The following PTGER3 variants were observed in gnomAD, a reference collection of about 807,000 sequenced individuals.
The protein encoded by PTGER3 is prostaglandin E receptor 3, also known as prostaglandin E2 receptor EP3 subtype.
Under a neutral mutation model 34.7 loss-of-function variants are expected in PTGER3, and 22 were observed. The observed-to-expected ratio is 0.63, with a 90% CI of 0.45 to 0.91. The LOEUF is 0.91. PTGER3 is among the 40% of genes least tolerant of loss of function. The probability of loss-of-function intolerance (pLI) is 0.00; values close to 1 mark genes in which losing one functional copy is unlikely to be tolerated. For synonymous variants in PTGER3, 241 were observed against 230.1 expected, an observed-to-expected ratio of 1.05 and a Z score of -0.43; for missense variants, 468 against 519.4, an observed-to-expected ratio of 0.90 and a Z score of 0.96.
At chr1:70,861,314 C>A (rs1035848093) in intron 4 of PTGER3, among the ~76,000 whole-genome samples, 11 of 152,110 alleles carry the variant, frequency 7.2e-5, no homozygotes, top group African/African-American at 2.7e-4. Flanking sequence ...TTACTTAAGT[C>A]AAAAATCCTT....
chr1:71,026,534 T>C (rs1023767061), intron 1 of PTGER3, among the ~76,000 whole-genome samples: 9 of 152,242 alleles, frequency 5.9e-5, no homozygotes, highest in African/African-American at 1.9e-4. Flanking sequence ...ACACAACTTG[T>C]ATGCAATGCA....
chr1:70,942,211 C>T (rs1010279559), intron 4 of PTGER3, among the ~76,000 whole-genome samples: 6 of 152,112 alleles, frequency 3.9e-5, no homozygotes, highest in Non-Finnish European at 7.4e-5. Flanking sequence ...GGCATGATCA[C>T]ACAGATGAGA....
At chr1:70,879,299 T>C (rs1464114230) in intron 4 of PTGER3, among the ~76,000 whole-genome samples, 1 of 152,106 alleles carries the variant, frequency 6.6e-6, no homozygotes, top group African/African-American at 2.4e-5. Context: ...CAGGCTGGAG[T>C]GCAGTGGCAT....
intron 4 of PTGER3, among the ~76,000 whole-genome samples, chr1:70,871,029 T>C (rs1241086712): frequency 6.6e-6 from 1 of 152,216 alleles, no homozygotes; most frequent in East Asian, 1.9e-4. Flanking sequence ...GCCTCACTTC[T>C]AAATATCAAT....
At chr1:70,952,745 C>A in exon 4 of PTGER3, 1 of 1,280,194 alleles carries the variant, frequency 7.8e-7, no homozygotes. Context: ...TAAAAATATG[C>A]CCATGTTTGC....
Position 70,900,554 on chromosome 1 carries a change from C to T in PTGER3, c.*24-47695G>A, listed in dbSNP as rs867553296. 8.5e-5 allele frequency among the ~76,000 whole-genome samples: 13 copies of T among 152,156 alleles called. No individual in the cohort carries two copies. The East Asian group carries it at 1.5e-3, about 18-fold the overall frequency. On this transcript the variant is annotated intron_variant, in intron 4 of 4. Transcript: ENST00000370931. ...TAATATACAAATGATGAATTTAGAG[C>T]GGAAAGAGGTTGTAAACACAGTGTG...
At chr1:70,978,780 C>T (rs1165657293) in intron 2 of PTGER3, among the ~76,000 whole-genome samples, 1 of 152,034 alleles carries the variant, frequency 6.6e-6, no homozygotes, top group East Asian at 1.9e-4. Context: ...CAGCTGCCAC[C>T]AAGAGGGTAG....
chr1:71,031,008 T>C (rs1162753072), intron 1 of PTGER3, among the ~76,000 whole-genome samples: 1 of 152,206 alleles, frequency 6.6e-6, no homozygotes, highest in African/African-American at 2.4e-5. Context: ...GAGAAAGTTA[T>C]AAAATCTTTT....
chr1:70,907,992 G>A (rs1646984420), intron 4 of PTGER3, among the ~76,000 whole-genome samples: 3 of 152,102 alleles, frequency 2.0e-5, no homozygotes, highest in Admixed American at 2.0e-4. Flanking sequence ...AGTGGAGCAG[G>A]TTCACTGTTG....
intron 4 of PTGER3, among the ~76,000 whole-genome samples, chr1:70,897,278 T>G (rs1345928873): frequency 6.6e-6 from 1 of 152,172 alleles, no homozygotes; most frequent in Non-Finnish European, 1.5e-5. Context: ...GTTCTTTAGC[T>G]TGAAGAAAAT....
chr1:70,994,990 T>C (rs1655805617), intron 2 of PTGER3, among the ~76,000 whole-genome samples: 1 of 151,998 alleles, frequency 6.6e-6, no homozygotes, highest in Non-Finnish European at 1.5e-5. Flanking sequence ...AAGGTAACCA[T>C]CCAGTGGGGG....
chr1:70,866,142 TG>T (rs1646037597), intron 4 of PTGER3, among the ~76,000 whole-genome samples: 1 of 152,160 alleles, frequency 6.6e-6, no homozygotes, highest in Admixed American at 6.5e-5. Flanking sequence ...GTAAGCACCT[TG>T]GGGGTCCCAT....
chr1:71,046,572 G>C, intron 1 of PTGER3, 109 bp downstream of exon 1: 1 of 1,328,482 alleles, frequency 7.5e-7, no homozygotes. Context: ...ACACTTCAGC[G>C]CTCTGCGGTT....
At chr1:70,877,994 G>GT (rs1349003971) in intron 4 of PTGER3, among the ~76,000 whole-genome samples, 2 of 152,020 alleles carry the variant, frequency 1.3e-5, no homozygotes, top group Admixed American at 1.3e-4. Context: ...CTCCCCCTCA[G>GT]TTTTTTGGAA....
At chr1:71,018,330 G>T (rs952599336) in intron 1 of PTGER3, among the ~76,000 whole-genome samples, 2 of 152,078 alleles carry the variant, frequency 1.3e-5, no homozygotes, top group African/African-American at 2.4e-5. Context: ...TCTAACTCCT[G>T]TCCCAATTAT....
Position 70,928,665 on chromosome 1 carries a change from C to T in PTGER3, c.*23+25098G>A, listed in dbSNP as rs143113425. 2.8e-3 allele frequency among the ~76,000 whole-genome samples: 430 copies of T among 152,034 alleles called. 1 individual carries two copies. The highest frequency in any genetic ancestry group is 7.9e-3 in the African/African-American group (327 of 41,510). On this transcript the variant is annotated intron_variant, in intron 4 of 4. Coordinates refer to the PTGER3 transcript ENST00000370931. Reference sequence around the variant, plus strand: ...AACAAAACAAAAAACGAAGGATATGCGCAAGAGACTTTCTATTCTTGGGAA... The same window carrying T: ...AACAAAACAAAAAACGAAGGATATGTGCAAGAGACTTTCTATTCTTGGGAA...
chr1:71,015,790 TACAAG>T (rs528661451), intron 1 of PTGER3, among the ~76,000 whole-genome samples: 47 of 152,344 alleles, frequency 3.1e-4, no homozygotes, highest in Non-Finnish European at 6.3e-4. Flanking sequence ...CGAAAATTCT[TACAAG>T]ACTGTGTGAC....
At chr1:71,034,587 A>C (rs1236990200) in intron 1 of PTGER3, among the ~76,000 whole-genome samples, 1 of 152,234 alleles carries the variant, frequency 6.6e-6, no homozygotes, top group Non-Finnish European at 1.5e-5. Context: ...TCTTTGTGAT[A>C]AAACATAATA....
intron 2 of PTGER3, among the ~76,000 whole-genome samples, chr1:71,000,910 T>C (rs1221283606): frequency 3.9e-5 from 6 of 152,154 alleles, no homozygotes; most frequent in South Asian, 2.1e-4. Context: ...ATAACTATAA[T>C]GGGAGAATGG....
Sources: allele counts gnomAD v4.1 joint callset (sites outside exome capture counted in the v4.1 genomes callset), GRCh38; gene constraint gnomAD v4.1.1; transcripts MANE v1.5; gene names NCBI Gene and HGNC (gene_info 2026-07-23, HGNC 2026-07-21).